WIPF1: variants seen among roughly 807,000 people sequenced by gnomAD.
WIPF1 encodes WAS/WASL-interacting protein family member 1.
In WIPF1, 13 loss-of-function variants were observed where a neutral mutation model predicts 35.4. The observed-to-expected ratio is 0.37, with a 90% CI of 0.24 to 0.58. The LOEUF is 0.58. WIPF1 is among the 20% of genes least tolerant of loss of function. The probability of loss-of-function intolerance (pLI) is 0.74; values close to 1 mark genes in which losing one functional copy is unlikely to be tolerated. For synonymous variants in WIPF1, 267 were observed against 266.3 expected, an observed-to-expected ratio of 1.00 and a Z score of -0.02; for missense variants, 591 against 667.0, an observed-to-expected ratio of 0.89 and a Z score of 1.25.
chr2:174,572,458 G>C lies in WIPF1; in HGVS notation c.359-12C>G. 6.2e-7 allele frequency: 1 copy of C among 1,614,062 alleles called. No homozygotes were observed. Among genetic ancestry groups the C allele is most frequent in the Non-Finnish European group, 8.5e-7 (1 of 1,180,012 alleles). The stretch of plus-strand genomic sequence containing the variant: ...GCTTCCTCCAGAATCTGAAGAACAG[G>C]AAAACAAACATCAGTTAGGAAATCA... On this transcript the variant is annotated splice_polypyrimidine_tract_variant and intron_variant, in intron 4 of 7. Coordinates refer to ENST00000679041, the MANE Select transcript of WIPF1 (RefSeq NM_001375834.1).
At chr2:174,578,343 C>T (rs1205187711) in intron 3 of WIPF1, among the ~76,000 whole-genome samples, 8 of 152,174 alleles carry the variant, frequency 5.3e-5, no homozygotes, top group Non-Finnish European at 1.2e-4. Flanking sequence ...ATTAGACAGC[C>T]TTCCATCTCT....
chr2:174,631,210 G>A (rs1687010948), intron 1 of WIPF1, among the ~76,000 whole-genome samples: 1 of 152,172 alleles, frequency 6.6e-6, no homozygotes, highest in Non-Finnish European at 1.5e-5. Flanking sequence ...AAAAGTAGAA[G>A]CAGCCCAAAT....
intron 1 of WIPF1, among the ~76,000 whole-genome samples, chr2:174,606,032 C>T (rs1287472045): frequency 6.6e-6 from 1 of 151,998 alleles, no homozygotes; most frequent in Non-Finnish European, 1.5e-5. Context: ...ATGAGGGCTC[C>T]CCTACAATGG....
intron 2 of WIPF1, 81 bp from the exon 3 acceptor site, chr2:174,581,520 TA>T (rs1685241157): frequency 6.5e-7 from 1 of 1,549,978 alleles, no homozygotes; most frequent in Non-Finnish European, 8.7e-7. Flanking sequence ...AAAGGTTGGG[TA>T]CGGGAAGCTT....
At chr2:174,653,564 A>G (rs1272645086) in intron 1 of WIPF1, among the ~76,000 whole-genome samples, 2 of 151,614 alleles carry the variant, frequency 1.3e-5, no homozygotes, top group South Asian at 2.1e-4. Flanking sequence ...TGAAACACCC[A>G]TCTCTACTAA....
intron 2 of WIPF1, among the ~76,000 whole-genome samples, chr2:174,582,705 G>T (rs367888369): frequency 1.2e-4 from 19 of 152,276 alleles, no homozygotes; most frequent in African/African-American, 4.3e-4. Context: ...TTACAGGCAC[G>T]AGCTACTGCT....
chr2:174,585,803 G>C (rs1389834487), intron 1 of WIPF1, among the ~76,000 whole-genome samples, 192 bp from the exon 2 acceptor site: 1 of 152,138 alleles, frequency 6.6e-6, no homozygotes, highest in Non-Finnish European at 1.5e-5. Flanking sequence ...CTGACCCGAG[G>C]TGCTTGGAGA....
At chr2:174,584,633 C>T (rs1685343064) in intron 2 of WIPF1, among the ~76,000 whole-genome samples, 1 of 152,150 alleles carries the variant, frequency 6.6e-6, no homozygotes, top group Admixed American at 6.5e-5. Flanking sequence ...CAGGATGAGC[C>T]GGGCACAGTG....
chr2:174,561,510 A>T lies in WIPF1; in HGVS notation c.*1037T>A, dbSNP rs1458743747. ...CCGACAGGCTTTCCATTTGTTTCCA[A>T]TGGCTTTATTCCACATGACTTTAGT... On this transcript the variant is annotated 3_prime_UTR_variant, in exon 8 of 8. Transcript: ENST00000679041. 6.6e-6 allele frequency: 1 copy of T among 152,388 alleles called. No individual in the cohort carries two copies. Among genetic ancestry groups the T allele is most frequent in the African/African-American group, 2.4e-5 (1 of 41,462 alleles). 9.4% of individuals were successfully genotyped at this position (152,388 alleles called of 1,614,324 possible). A position where few individuals can be genotyped will look rare whatever the true frequency, so the allele number is the denominator to read the frequency against.
intron 1 of WIPF1, among the ~76,000 whole-genome samples, chr2:174,671,229 C>A (rs149582370): frequency 6.6e-6 from 1 of 152,190 alleles, no homozygotes; most frequent in South Asian, 2.1e-4. Context: ...TAATTTCTTA[C>A]GCCTGTCTTT....
intron 1 of WIPF1, among the ~76,000 whole-genome samples, chr2:174,669,849 C>CT (rs1472483775): frequency 2.4e-4 from 36 of 152,152 alleles, no homozygotes; most frequent in African/African-American, 7.7e-4. Context: ...GCACTCCAGC[C>CT]TGGGTGACAG....
At chr2:174,667,901 C>T in intron 1 of WIPF1, among the ~76,000 whole-genome samples, 1 of 152,220 alleles carries the variant, frequency 6.6e-6, no homozygotes, top group African/African-American at 2.4e-5. Flanking sequence ...CTCTCACCCC[C>T]AAAATGACTT....
chr2:174,657,498 G>C (rs770115973), intron 1 of WIPF1, among the ~76,000 whole-genome samples: 1 of 152,190 alleles, frequency 6.6e-6, no homozygotes. Context: ...AGAACTAAGT[G>C]ACAGAAAAGG....
In WIPF1 at chr2:174,607,001, T is replaced by G. The variant is rs77938847; in HGVS notation, c.-38-21390A>C. Among the ~76,000 whole-genome samples, 7 of 152,282 alleles carry G rather than the reference T, an allele frequency of 4.6e-5. No homozygotes were observed. In the East Asian group the frequency reaches 1.4e-3, roughly 29 times the overall value. ...TACCATGGCTGAAGGCAAGAGAGCA[T>G]GCACAATGAGAGGCAGGGAAGGAAG... is the stretch of plus-strand genomic sequence containing the variant. On this transcript the variant is annotated intron_variant, in intron 1 of 8. Coordinates refer to the WIPF1 transcript ENST00000272746.
intron 1 of WIPF1, among the ~76,000 whole-genome samples, chr2:174,614,475 G>A (rs1316736489): frequency 6.6e-6 from 1 of 152,086 alleles, no homozygotes; most frequent in Non-Finnish European, 1.5e-5. Flanking sequence ...AGAGAAAATA[G>A]GCCTTGAGGC....
chr2:174,666,387 G>C (rs770145039), intron 1 of WIPF1, among the ~76,000 whole-genome samples: 1 of 152,204 alleles, frequency 6.6e-6, no homozygotes, highest in Non-Finnish European at 1.5e-5. Context: ...AATTAGGACT[G>C]AGTTTATTCC....
chr2:174,624,161 C>T (rs893945323), intron 1 of WIPF1, among the ~76,000 whole-genome samples: 1 of 152,186 alleles, frequency 6.6e-6, no homozygotes, highest in African/African-American at 2.4e-5. Flanking sequence ...TAATAATGAA[C>T]CTTTCATCTC....
intron 7 of WIPF1, among the ~76,000 whole-genome samples, chr2:174,564,111 T>A (rs971054238): frequency 1.3e-5 from 2 of 152,214 alleles, no homozygotes; most frequent in African/African-American, 4.8e-5. Flanking sequence ...CATTCGGTAC[T>A]GCTCAGGGCT....
chr2:174,668,052 G>C (rs555693943), intron 1 of WIPF1, among the ~76,000 whole-genome samples: 1 of 152,150 alleles, frequency 6.6e-6, no homozygotes, highest in Admixed American at 6.5e-5. Flanking sequence ...CCTACGTCTT[G>C]TTACGTTTTG....
Sources: gnomAD v4.1 joint callset for allele counts (sites outside exome capture counted in the v4.1 genomes callset) on GRCh38, gnomAD v4.1.1 for gene constraint, MANE v1.5 for transcripts, NCBI Gene and HGNC (gene_info 2026-07-23, HGNC 2026-07-21) for gene names.